The following SNX6 variants were observed in gnomAD, a reference collection of about 807,000 sequenced individuals.
The protein encoded by SNX6 is sorting nexin 6.
Under a neutral mutation model 63.0 loss-of-function variants are expected in SNX6, and 34 were observed. The ratio of observed to expected loss-of-function variants is 0.54; its 90% CI spans 0.41 to 0.72. SNX6 has a LOEUF of 0.72. SNX6 is among the 30% of genes least tolerant of loss of function. SNX6 has a pLI of 0.00. For missense variants in SNX6, 398 were observed against 471.4 expected (o/e 0.84, Z 1.44); for synonymous variants, 170 against 164.2 (o/e 1.04, Z -0.27).
intron 2 of SNX6, among the ~76,000 whole-genome samples, chr14:34,629,221 A>G (rs1883943962): frequency 6.6e-6 from 1 of 152,146 alleles, no homozygotes; most frequent in South Asian, 2.1e-4. Context: ...TCGTGTATTA[A>G]AATATAATGT....
chr14:34,590,365 T>C (rs895215374), intron 8 of SNX6, among the ~76,000 whole-genome samples: 2 of 150,200 alleles, frequency 1.3e-5, no homozygotes, highest in African/African-American at 4.9e-5. Flanking sequence ...GAGGTGGAGC[T>C]TGCAGTGAGC....
At chr14:34,595,759 G>A (rs1222443639) in intron 7 of SNX6, among the ~76,000 whole-genome samples, 2 of 121,214 alleles carry the variant, frequency 1.6e-5, no homozygotes, top group Admixed American at 1.5e-4. Context: ...TCTACACACC[G>A]ATTTTATTAT....
At position 34,608,247 on chromosome 14, in the gene SNX6, G is replaced by A. The variant is rs147318968; in HGVS notation, c.160-107C>T. 2.2e-3 allele frequency: 1,229 copies of A among 566,294 alleles called. 12 individuals are homozygous for A. Among genetic ancestry groups the A allele is most frequent in the African/African-American group, 0.021 (1,094 of 52,554 alleles). The allele number at this position is 566,294 out of a possible 1,614,324, so 35.1% of individuals were successfully genotyped here. A position where few individuals can be genotyped will look rare whatever the true frequency, so the allele number is the denominator to read the frequency against. ...GGCTGGAGTGCAGTCGAACAATCTCGGCTCACTGCAGCCTCAACCTCCCAG... is the reference window on the plus strand; with the variant it reads ...GGCTGGAGTGCAGTCGAACAATCTCAGCTCACTGCAGCCTCAACCTCCCAG... On this transcript the variant is annotated intron_variant, in intron 3 of 13. Transcript: ENST00000362031.
intron 7 of SNX6, among the ~76,000 whole-genome samples, chr14:34,593,527 T>C (rs947394120): frequency 6.6e-6 from 1 of 150,426 alleles, no homozygotes; most frequent in African/African-American, 2.4e-5. Context: ...AGCGTCCCAA[T>C]AGCTGGGACT....
At chr14:34,572,675 T>G (rs1215689808) in intron 11 of SNX6, among the ~76,000 whole-genome samples, 1 of 151,548 alleles carries the variant, frequency 6.6e-6, no homozygotes, top group Non-Finnish European at 1.5e-5. Flanking sequence ...ATTTGTGTTT[T>G]TTTTGTTTTT....
At chr14:34,588,488 C>G (rs920597761) in intron 8 of SNX6, among the ~76,000 whole-genome samples, 1 of 152,026 alleles carries the variant, frequency 6.6e-6, no homozygotes, top group Admixed American at 6.6e-5. Context: ...TGAGCTCAAG[C>G]GATCCACCCA....
chr14:34,587,008 CAAAAAAAAA>C lies in SNX6; in HGVS notation c.719-712_719-704del, dbSNP rs71121211. Among the ~76,000 whole-genome samples, 8 of 50,132 alleles carry C rather than the reference CAAAAAAAAA, an allele frequency of 1.6e-4. No individual in the cohort carries two copies. In the South Asian group the frequency reaches 6.5e-3, roughly 41 times the overall value. 32.9% of individuals were successfully genotyped at this position (50,132 alleles called of 152,430 possible). A position where few individuals can be genotyped will look rare whatever the true frequency, so the allele number is the denominator to read the frequency against. ...TGGGCAACAGAGCAAGACTCTGTCT[CAAAAAAAAA>C]AAAAAAAAAAAAAAAACAACTGGAA... On this transcript the variant is annotated intron_variant, in intron 8 of 13. Coordinates refer to ENST00000362031, the MANE Select transcript of SNX6 (RefSeq NM_152233.4).
rs183547428 is a variant in SNX6 at position 34,619,431 on chromosome 14, T to A, written c.55-9689A>T. 5.8e-4 allele frequency among the ~76,000 whole-genome samples: 87 copies of A among 150,846 alleles called. 1 individual carries two copies. In the East Asian group the frequency reaches 6.8e-3, roughly 12 times the overall value. Reference sequence around the variant, plus strand: ...AACACAACTCTGTCTCAAAAAAATATATATATATATATTTAGAGAGAGAGA... The same window carrying A: ...AACACAACTCTGTCTCAAAAAAATAAATATATATATATTTAGAGAGAGAGA... On this transcript the variant is annotated intron_variant, in intron 2 of 13. Transcript: ENST00000362031.
intron 6 of SNX6, among the ~76,000 whole-genome samples, chr14:34,598,909 G>A (rs1425239469): frequency 6.6e-6 from 1 of 152,116 alleles, no homozygotes; most frequent in Non-Finnish European, 1.5e-5. Flanking sequence ...AAATAGGTGG[G>A]GCTTTTGAGA....
intron 2 of SNX6, among the ~76,000 whole-genome samples, chr14:34,623,179 A>T (rs919803543): frequency 2.0e-5 from 3 of 152,204 alleles, no homozygotes; most frequent in African/African-American, 7.2e-5. Context: ...TAAATGTGGC[A>T]TGTGTTTAAG....
chr14:34,594,772 G>A (rs1882534112), intron 7 of SNX6, among the ~76,000 whole-genome samples: 1 of 152,114 alleles, frequency 6.6e-6, no homozygotes. Flanking sequence ...AACACAAGCA[G>A]CAAGAGTCAG....
At chr14:34,564,745 T>G (rs1425103577) in intron 13 of SNX6, among the ~76,000 whole-genome samples, 1 of 151,198 alleles carries the variant, frequency 6.6e-6, no homozygotes, top group Non-Finnish European at 1.5e-5. Context: ...GAGAATTGCT[T>G]GAACCCGGGA....
rs559449859 is a variant in SNX6 at position 34,581,961 on chromosome 14, T to TG, written c.795-362dup. Among the ~76,000 whole-genome samples the TG allele has an allele frequency of 3.8e-4, 58 of 152,154 alleles. 1 individual carries two copies. Among genetic ancestry groups the TG allele is most frequent in the African/African-American group, 1.3e-3 (54 of 41,516 alleles). ...CTCCAGCCTCAGCCTCCCGAATAGC[T>TG]GGGACTACAGGCGCCCGCCACCACG... On this transcript the variant is annotated intron_variant, in intron 9 of 13. Transcript: ENST00000362031.
chr14:34,605,836 C>A (rs1882995297), intron 4 of SNX6, 119 bp from the exon 5 acceptor site: 2 of 1,203,632 alleles, frequency 1.7e-6, no homozygotes, highest in Non-Finnish European at 2.2e-6. Context: ...GAGCTGAACA[C>A]CAGGAACACC....
chr14:34,581,602 T>TG lies in SNX6; in HGVS notation c.795-3dup. 6.8e-7 allele frequency: 1 copy of TG among 1,479,168 alleles called. No individual in the cohort carries two copies. Among genetic ancestry groups the TG allele is most frequent in the Non-Finnish European group, 9.4e-7 (1 of 1,065,466 alleles). 91.6% of individuals were successfully genotyped at this position (1,479,168 alleles called of 1,614,324 possible). Reference sequence around the variant, plus strand: ...AGTTCTGAAACTTTGAGAAAAAACCTGGAAAGGAAAATATTTTCATCATAT... The same window carrying TG: ...AGTTCTGAAACTTTGAGAAAAAACCTGGGAAAGGAAAATATTTTCATCATAT... On this transcript the variant is annotated splice_region_variant and splice_polypyrimidine_tract_variant and intron_variant, in intron 9 of 13. Coordinates refer to ENST00000362031, the MANE Select transcript of SNX6 (RefSeq NM_152233.4).
intron 10 of SNX6, among the ~76,000 whole-genome samples, chr14:34,578,567 T>C (rs1479076133): frequency 6.8e-6 from 1 of 147,956 alleles, no homozygotes; most frequent in Non-Finnish European, 1.5e-5. Flanking sequence ...GATGTGGAGG[T>C]TGCAGTGAAT....
intron 2 of SNX6, among the ~76,000 whole-genome samples, chr14:34,613,028 G>C (rs938653064): frequency 7.3e-6 from 1 of 136,438 alleles, no homozygotes; most frequent in African/African-American, 2.7e-5. Flanking sequence ...CAGTGACAGA[G>C]TGAGACTCTA....
intron 9 of SNX6, among the ~76,000 whole-genome samples, chr14:34,584,197 G>A (rs116582870): frequency 0.021 from 3,267 of 152,220 alleles, 106 homozygotes; most frequent in African/African-American, 0.069. Context: ...GCCAAAAAGC[G>A]TGACTTTTAA....
intron 2 of SNX6, among the ~76,000 whole-genome samples, chr14:34,617,255 C>CA (rs565790948): frequency 1.1e-3 from 166 of 151,766 alleles, no homozygotes; most frequent in African/African-American, 3.8e-3. Flanking sequence ...AAGATTATGA[C>CA]AAAAAAATAT....
Sources: gnomAD v4.1 joint callset for allele counts (sites outside exome capture counted in the v4.1 genomes callset) on GRCh38, gnomAD v4.1.1 for gene constraint, MANE v1.5 for transcripts, NCBI Gene and HGNC (gene_info 2026-07-23, HGNC 2026-07-21) for gene names.